Variants in TAFA4 observed in about 807,000 individuals in gnomAD.
TAFA4 encodes the protein TAFA chemokine like family member 4.
TAFA4 carries 20 observed loss-of-function variants against 21.1 expected under a neutral mutation model. That is an observed-to-expected ratio of 0.95 (90% CI 0.67 to 1.38). The LOEUF (loss-of-function observed/expected upper bound fraction) is 1.38, where lower values mean the gene tolerates loss of function less well. Ranked by LOEUF, TAFA4 falls within the 40% of genes most tolerant of loss-of-function variation. The pLI is 0.00. For missense variants in TAFA4, 211 were observed against 180.9 expected, an observed-to-expected ratio of 1.17 and a Z score of -0.95; for synonymous variants, 71 against 67.4, an observed-to-expected ratio of 1.05 and a Z score of -0.26.
chr3:68,808,574 C>T (rs1703755460), intron 3 of TAFA4, among the ~76,000 whole-genome samples: 1 of 152,140 alleles, frequency 6.6e-6, no homozygotes, highest in African/African-American at 2.4e-5. Flanking sequence ...TATCTTCATA[C>T]CTTTGACTTC....
chr3:68,788,617 A>AT (rs900733020), intron 3 of TAFA4, among the ~76,000 whole-genome samples: 34 of 148,330 alleles, frequency 2.3e-4, no homozygotes, highest in African/African-American at 4.9e-4. Flanking sequence ...GTGTTTACAT[A>AT]TTTTTTTTTT....
chr3:68,880,414 T>A (rs1184276068), intron 3 of TAFA4, among the ~76,000 whole-genome samples: 1 of 147,660 alleles, frequency 6.8e-6, no homozygotes, highest in African/African-American at 2.5e-5. Context: ...GCAGATGGAC[T>A]GACATGTATG....
intron 3 of TAFA4, among the ~76,000 whole-genome samples, chr3:68,796,972 A>T (rs1226195220): frequency 6.6e-6 from 1 of 152,232 alleles, no homozygotes; most frequent in African/African-American, 2.4e-5. Context: ...TATCAAAAAA[A>T]AGTAAATAAA....
intron 1 of TAFA4, among the ~76,000 whole-genome samples, chr3:68,892,397 T>C (rs1429960203): frequency 6.6e-6 from 1 of 152,216 alleles, no homozygotes; most frequent in Non-Finnish European, 1.5e-5. Context: ...CCATCTCATC[T>C]AAATTAGGTG....
intron 1 of TAFA4, among the ~76,000 whole-genome samples, chr3:68,913,033 C>A (rs2089974112): frequency 6.6e-6 from 1 of 152,172 alleles, no homozygotes; most frequent in African/African-American, 2.4e-5. Context: ...GAGATCAATT[C>A]TTTGGGGTTC....
intron 1 of TAFA4, among the ~76,000 whole-genome samples, chr3:68,900,345 T>G (rs1029956140): frequency 1.3e-5 from 2 of 151,062 alleles, no homozygotes; most frequent in Middle Eastern, 3.2e-3. Context: ...CCATAGTAAC[T>G]TTGGTAACTG....
rs558319368 is a variant in TAFA4, at chr3:68,759,754, G to A, written c.131-6736C>T. On this transcript the variant is annotated intron_variant, in intron 3 of 5. Transcript: ENST00000295569. ...TGTGAATTGGAGCAGGCAAGACTGC[G>A]TTATCCAGAAATGGGGCTGCTCCTA... Among the ~76,000 whole-genome samples the A allele has an allele frequency of 8.5e-5, 13 of 152,276 alleles. No individual in the cohort carries two copies. In the East Asian group the frequency reaches 1.5e-3, roughly 18 times the overall value.
Position 68,789,747 on chromosome 3 carries a change from C to T in TAFA4, c.131-36729G>A, listed in dbSNP as rs143503050. Among the ~76,000 whole-genome samples the T allele has an allele frequency of 2.0e-3, 299 of 152,268 alleles. 2 individuals are homozygous for T. Among genetic ancestry groups the T allele is most frequent in the Admixed American group, 4.1e-3 (62 of 15,294 alleles). ...AATTAGTTTCAACTAGTGCCTGACA[C>T]GCAGTAGCCACTGTAAAAATATCCA... On this transcript the variant is annotated intron_variant, in intron 3 of 5. Transcript: ENST00000295569.
chr3:68,907,717 C>A (rs1873268), intron 1 of TAFA4, among the ~76,000 whole-genome samples: 1 of 152,016 alleles, frequency 6.6e-6, no homozygotes, highest in South Asian at 2.1e-4. Context: ...GCTCCTGGCC[C>A]TGATGAATTA....
At chr3:68,741,921 CA>C (rs1370108503) in intron 4 of TAFA4, among the ~76,000 whole-genome samples, 3 of 152,058 alleles carry the variant, frequency 2.0e-5, no homozygotes, top group African/African-American at 7.2e-5. Flanking sequence ...TAGGACACTA[CA>C]AAAAAGAAAA....
At chr3:68,756,436 G>A (rs1702660604) in intron 3 of TAFA4, among the ~76,000 whole-genome samples, 1 of 152,206 alleles carries the variant, frequency 6.6e-6, no homozygotes, top group South Asian at 2.1e-4. Flanking sequence ...ATTCCCACTG[G>A]TTAATGCTTT....
At chr3:68,804,439 G>GA (rs1223134684) in intron 3 of TAFA4, among the ~76,000 whole-genome samples, 2 of 152,054 alleles carry the variant, frequency 1.3e-5, no homozygotes, top group East Asian at 3.9e-4. Flanking sequence ...CACAGAATTG[G>GA]AAAAAACTAC....
intron 3 of TAFA4, among the ~76,000 whole-genome samples, chr3:68,798,720 C>T (rs747172090): frequency 9.9e-5 from 15 of 152,160 alleles, no homozygotes; most frequent in Non-Finnish European, 1.8e-4. Context: ...ATGATATATT[C>T]GGAGTTGAGC....
chr3:68,769,594 T>C (rs1019789602), intron 3 of TAFA4, among the ~76,000 whole-genome samples: 47 of 152,128 alleles, frequency 3.1e-4, no homozygotes, highest in African/African-American at 9.9e-4. Context: ...AAGGAAATAA[T>C]AAATGCATGA....
chr3:68,893,573 G>A (rs1449602497), intron 1 of TAFA4, among the ~76,000 whole-genome samples: 1 of 152,156 alleles, frequency 6.6e-6, no homozygotes, highest in Non-Finnish European at 1.5e-5. Context: ...GATGACCTCC[G>A]AGGTGCCTTC....
intron 1 of TAFA4, among the ~76,000 whole-genome samples, chr3:68,914,710 T>C (rs2089987923): frequency 6.6e-6 from 1 of 152,118 alleles, no homozygotes; most frequent in African/African-American, 2.4e-5. Flanking sequence ...ATTAGTGACG[T>C]TTGGACTTCA....
At chr3:68,767,913 CT>C (rs1156236874) in intron 3 of TAFA4, among the ~76,000 whole-genome samples, 1 of 151,376 alleles carries the variant, frequency 6.6e-6, no homozygotes. Flanking sequence ...ATCCTTAGTA[CT>C]TTTTTTCCTA....
At chr3:68,820,517 A>T (rs890423850) in intron 3 of TAFA4, among the ~76,000 whole-genome samples, 2 of 152,170 alleles carry the variant, frequency 1.3e-5, no homozygotes, top group Non-Finnish European at 2.9e-5. Context: ...CCTACCAAAA[A>T]AAAAATAAAA....
intron 3 of TAFA4, among the ~76,000 whole-genome samples, chr3:68,779,656 A>T (rs1703118509): frequency 6.6e-6 from 1 of 152,206 alleles, no homozygotes; most frequent in African/African-American, 2.4e-5. Context: ...GGTGTACACA[A>T]GTCAAGAATT....
Sources: allele counts gnomAD v4.1 joint callset (sites outside exome capture counted in the v4.1 genomes callset), GRCh38; gene constraint gnomAD v4.1.1; transcripts MANE v1.5; gene names NCBI Gene and HGNC (gene_info 2026-07-23, HGNC 2026-07-21).